The following PDE12 variants were observed in gnomAD, a reference collection of about 807,000 sequenced individuals.
The protein encoded by PDE12 is 2',5'-phosphodiesterase 12.
A neutral mutation model predicts 45.4 loss-of-function variants in PDE12; 26 were observed. That is an observed-to-expected ratio of 0.57 (90% CI 0.42 to 0.79). PDE12 has a LOEUF of 0.79. Among genes scored for constraint, PDE12 ranks in the 30% least tolerant of loss-of-function variants. PDE12 has a pLI of 0.00. For synonymous variants in PDE12, 283 were observed against 323.9 expected (o/e 0.87, Z 1.36); for missense variants, 668 against 790.0 (o/e 0.85, Z 1.85).
chr3:57,633,717 C>T, the PDE12 span, among the ~76,000 whole-genome samples: 4 of 152,000 alleles, frequency 2.6e-5, no homozygotes, highest in Admixed American at 6.6e-5. Flanking sequence ...GGTGAAACCC[C>T]GTCTCTACTA....
the PDE12 span, among the ~76,000 whole-genome samples, chr3:57,604,616 T>TG: frequency 2.3e-3 from 24 of 10,248 alleles, no homozygotes; most frequent in South Asian, 0.017. Context: ...TTTTTTTTTT[T>TG]TGGGGGGGGT....
At chr3:57,647,866 G>A in the PDE12 span, among the ~76,000 whole-genome samples, 19,078 of 148,706 alleles carry the variant, frequency 0.13, 1,381 homozygotes, top group South Asian at 0.2. Flanking sequence ...TGGGGGTGGG[G>A]GGTCAATCCA....
At chr3:57,616,144 A>G in the PDE12 span, among the ~76,000 whole-genome samples, 4 of 151,836 alleles carry the variant, frequency 2.6e-5, no homozygotes, top group Non-Finnish European at 4.4e-5. Flanking sequence ...GCAACATGGC[A>G]AAACCTCATC....
In PDE12 at chr3:57,556,377, T is replaced by C. The variant is rs914559390; in HGVS notation, c.-3T>C. 1.3e-6 allele frequency: 2 copies of C among 1,564,406 alleles called. No individual in the cohort carries two copies. Among genetic ancestry groups the C allele is most frequent in the African/African-American group, 2.7e-5 (2 of 73,538 alleles). On this transcript the variant is annotated 5_prime_UTR_variant, in exon 1 of 3. Transcript: ENST00000311180. This position sits in a 1 kb window ranked among gnomAD's most constrained non-coding sequence, Gnocchi z 5.0. Reference sequence around the variant, plus strand: ...TCTTGTCGACCGCTAGGCCACCAGGTTCATGTGGAGGCTCCCAGGCGCCCG... The same window carrying C: ...TCTTGTCGACCGCTAGGCCACCAGGCTCATGTGGAGGCTCCCAGGCGCCCG...
chr3:57,624,149 GACT>G, the PDE12 span, among the ~76,000 whole-genome samples: 2 of 151,330 alleles, frequency 1.3e-5, no homozygotes, highest in South Asian at 2.1e-4. Flanking sequence ...CACCATGTCT[GACT>G]ACTTTTTTTT....
the PDE12 span, among the ~76,000 whole-genome samples, chr3:57,609,803 G>A: frequency 1.3e-5 from 2 of 152,100 alleles, no homozygotes; most frequent in African/African-American, 4.8e-5. Context: ...TCTACCAGAG[G>A]TACAGGGAGG....
the PDE12 span, among the ~76,000 whole-genome samples, chr3:57,576,284 G>C: frequency 6.6e-6 from 1 of 152,152 alleles, no homozygotes; most frequent in Non-Finnish European, 1.5e-5. Context: ...ATAGGTGACT[G>C]TATAAAGACA....
At chr3:57,622,714 T>C in the PDE12 span, among the ~76,000 whole-genome samples, 3 of 152,134 alleles carry the variant, frequency 2.0e-5, no homozygotes, top group East Asian at 5.8e-4. Flanking sequence ...GGGTAAAAAA[T>C]GTGTTATACC....
the PDE12 span, chr3:57,596,812 A>T: frequency 1.5e-5 from 7 of 457,548 alleles, no homozygotes; most frequent in South Asian, 1.2e-4. Flanking sequence ...CCAGCTTTCA[A>T]TAAGATCAAG....
chr3:57,631,971 C>T, the PDE12 span, among the ~76,000 whole-genome samples: 1 of 146,484 alleles, frequency 6.8e-6, no homozygotes, highest in Admixed American at 6.9e-5. Context: ...ATCCGCCCGC[C>T]TCGGCCTCCC....
At chr3:57,656,016 G>T in the PDE12 span, among the ~76,000 whole-genome samples, 1 of 151,970 alleles carries the variant, frequency 6.6e-6, no homozygotes, top group Non-Finnish European at 1.5e-5. Flanking sequence ...ATTCATTTTG[G>T]GGACACTCCC....
the PDE12 span, among the ~76,000 whole-genome samples, chr3:57,592,589 C>T: frequency 3.3e-5 from 5 of 152,270 alleles, no homozygotes; most frequent in Non-Finnish European, 2.9e-5. Flanking sequence ...CTTCTACACA[C>T]GGATGAGAAA....
chr3:57,570,260 CGT>C (rs1225149353), downstream of PDE12, among the ~76,000 whole-genome samples: 1 of 128,208 alleles, frequency 7.8e-6, no homozygotes, highest in Non-Finnish European at 1.6e-5. Flanking sequence ...TCTTGCAGAC[CGT>C]GTGCAGTGGC....
At chr3:57,638,382 G>A in the PDE12 span, among the ~76,000 whole-genome samples, 1 of 152,064 alleles carries the variant, frequency 6.6e-6, no homozygotes, top group Non-Finnish European at 1.5e-5. Context: ...AACAGGCTGG[G>A]TGTGGTGGCT....
chr3:57,630,708 G>T, the PDE12 span: 1 of 1,609,520 alleles, frequency 6.2e-7, no homozygotes, highest in Admixed American at 1.7e-5. Flanking sequence ...AGGGAAAAAA[G>T]ACTAACCGGT....
the PDE12 span, among the ~76,000 whole-genome samples, chr3:57,653,831 G>GTTT: frequency 7.2e-6 from 1 of 139,754 alleles, no homozygotes; most frequent in Non-Finnish European, 1.6e-5. Context: ...AAATCACTGG[G>GTTT]TTTTTTTTTT....
chr3:57,649,668 G>GTA, the PDE12 span, among the ~76,000 whole-genome samples: 19,967 of 150,238 alleles, frequency 0.13, 1,411 homozygotes, highest in South Asian at 0.21. Flanking sequence ...TTGTATGTGT[G>GTA]TATATATATA....
the PDE12 span, among the ~76,000 whole-genome samples, chr3:57,637,766 CAA>C: frequency 4.0e-3 from 436 of 109,404 alleles, 3 homozygotes; most frequent in African/African-American, 0.012. Context: ...AATAAGACTT[CAA>C]AAAAAAAAAA....
At chr3:57,628,735 G>A in the PDE12 span, 5 of 1,441,414 alleles carry the variant, frequency 3.5e-6, no homozygotes, top group South Asian at 5.0e-5. Flanking sequence ...GAACTATCAT[G>A]GGTTGTCAGC....
Sources: allele counts gnomAD v4.1 joint callset (sites outside exome capture counted in the v4.1 genomes callset), GRCh38; gene constraint gnomAD v4.1.1; non-coding constraint Gnocchi (gnomAD v3.1); transcripts MANE v1.5; gene names NCBI Gene and HGNC (gene_info 2026-07-23, HGNC 2026-07-21).